The following RFX3 variants were observed in gnomAD, a reference collection of about 807,000 sequenced individuals.
The protein encoded by RFX3 is regulatory factor X3.
A neutral mutation model predicts 98.6 loss-of-function variants in RFX3; 14 were observed. That is an observed-to-expected ratio of 0.14 (90% confidence interval 0.09 to 0.22). The LOEUF (loss-of-function observed/expected upper bound fraction) is 0.22. Ranked by LOEUF, RFX3 falls within the 10% of genes least tolerant of loss-of-function variation. RFX3 has a pLI of 1.00. For synonymous variants in RFX3, 383 were observed against 328.4 expected, an observed-to-expected ratio of 1.17 and a Z score of -1.80; for missense variants, 639 against 926.9, an observed-to-expected ratio of 0.69 and a Z score of 4.03.
chr9:3,415,630 C>T (rs976810651), intron 1 of RFX3, among the ~76,000 whole-genome samples: 1 of 152,136 alleles, frequency 6.6e-6, no homozygotes. Flanking sequence ...CCCTAAGATA[C>T]ACCCTTTGCC....
intron 1 of RFX3, among the ~76,000 whole-genome samples, chr9:3,421,698 G>A (rs984501679): frequency 6.6e-6 from 1 of 152,184 alleles, no homozygotes; most frequent in Non-Finnish European, 1.5e-5. Context: ...CTCGTTTATT[G>A]TCTTTGTAGG....
intron 1 of RFX3, among the ~76,000 whole-genome samples, chr9:3,504,273 G>GCA (rs1278475635): frequency 1.7e-5 from 2 of 115,566 alleles, no homozygotes; most frequent in Non-Finnish European, 3.3e-5. Flanking sequence ...ATACTATATT[G>GCA]TATATAACAT....
intron 4 of RFX3, among the ~76,000 whole-genome samples, chr9:3,310,847 T>C (rs1182755565): frequency 2.6e-5 from 4 of 152,188 alleles, no homozygotes; most frequent in African/African-American, 9.7e-5. Flanking sequence ...TATTTCAAAT[T>C]GTTGTAATGA....
At chr9:3,311,582 C>G (rs148606760) in intron 4 of RFX3, among the ~76,000 whole-genome samples, 3 of 152,160 alleles carry the variant, frequency 2.0e-5, no homozygotes, top group East Asian at 1.9e-4. Flanking sequence ...CATTTGGGTA[C>G]CTGTTAGAAA....
At chr9:3,240,337 T>C (rs1563784532) in intron 15 of RFX3, among the ~76,000 whole-genome samples, 1 of 152,214 alleles carries the variant, frequency 6.6e-6, no homozygotes, top group Non-Finnish European at 1.5e-5. Context: ...CAAGTAAAAC[T>C]ATTGGGGAAA....
intron 3 of RFX3, among the ~76,000 whole-genome samples, chr9:3,341,470 T>C (rs1056972746): frequency 6.6e-5 from 10 of 151,934 alleles, no homozygotes; most frequent in African/African-American, 2.4e-4. Context: ...ATAAGGGCAA[T>C]TGTATTGTAA....
chr9:3,512,518 GT>G (rs914977361), intron 1 of RFX3, among the ~76,000 whole-genome samples: 5 of 151,784 alleles, frequency 3.3e-5, no homozygotes, highest in Non-Finnish European at 7.4e-5. Context: ...CTAATTTTGT[GT>G]TTTTTATATA....
intron 1 of RFX3, among the ~76,000 whole-genome samples, chr9:3,421,587 T>C (rs555981441): frequency 6.6e-6 from 1 of 152,330 alleles, no homozygotes; most frequent in East Asian, 1.9e-4. Context: ...ACTCTCAGCA[T>C]TGCAAGTCCT....
At chr9:3,472,978 G>A (rs1046385165) in intron 1 of RFX3, among the ~76,000 whole-genome samples, 1 of 152,176 alleles carries the variant, frequency 6.6e-6, no homozygotes, top group Non-Finnish European at 1.5e-5. Flanking sequence ...TGTGAGATTA[G>A]CAATGTGGTT....
intron 2 of RFX3, among the ~76,000 whole-genome samples, chr9:3,379,743 T>A (rs13302664): frequency 0.095 from 14,486 of 152,158 alleles, 757 homozygotes; most frequent in African/African-American, 0.13. Context: ...TTGCAACCAT[T>A]TGCATGTCTC....
intron 9 of RFX3, among the ~76,000 whole-genome samples, chr9:3,275,142 C>A (rs1282793812): frequency 2.6e-5 from 4 of 151,360 alleles, no homozygotes; most frequent in African/African-American, 4.9e-5. Flanking sequence ...GAAATTATAA[C>A]CAATCTTTTG....
chr9:3,459,313 C>G (rs1016443505), intron 1 of RFX3, among the ~76,000 whole-genome samples: 3 of 152,144 alleles, frequency 2.0e-5, no homozygotes, highest in Admixed American at 1.3e-4. Flanking sequence ...ATCTAGTTAT[C>G]TCAGAATCAA....
At chr9:3,286,331 T>A (rs1006674693) in intron 7 of RFX3, among the ~76,000 whole-genome samples, 1 of 151,858 alleles carries the variant, frequency 6.6e-6, no homozygotes, top group African/African-American at 2.4e-5. Context: ...TACTATTCTA[T>A]AATTTATTTT....
rs939451859 is a variant in RFX3, at chr9:3,311,443, G to A, written c.475-9823C>T. On this transcript the variant is annotated intron_variant, in intron 4 of 16. Coordinates refer to ENST00000617270, the MANE Select transcript of RFX3 (RefSeq NM_001282116.2). Reference sequence around the variant, plus strand: ...CCTCCTGGTGTGTGTGAAGAGGAGGGTACATCCTATAGGAAGCCATTCAAC... The same window carrying A: ...CCTCCTGGTGTGTGTGAAGAGGAGGATACATCCTATAGGAAGCCATTCAAC... Among the ~76,000 whole-genome samples the A allele has an allele frequency of 3.3e-5, 5 of 152,270 alleles. No homozygotes were observed. In the South Asian group the frequency reaches 6.2e-4, roughly 19 times the overall value.
In RFX3 at chr9:3,504,949, A is replaced by C. The variant is rs1446092046; in HGVS notation, c.-9+20798T>G. ...ATATTATATATAATATATATAATAT[A>C]ATATATATTATATATAATATATATT... On this transcript the variant is annotated intron_variant, in intron 1 of 16. Coordinates refer to ENST00000617270, the MANE Select transcript of RFX3 (RefSeq NM_001282116.2). Among the ~76,000 whole-genome samples, 15 of 23,538 alleles carry C rather than the reference A, an allele frequency of 6.4e-4. 1 individual carries two copies. Among genetic ancestry groups the C allele is most frequent in the South Asian group, 3.1e-3 (4 of 1,270 alleles). The allele number at this position is 23,538 out of a possible 152,430, so 15.4% of individuals were successfully genotyped here.
Position 3,231,179 on chromosome 9 carries a change from C to A in RFX3, c.1969-2290G>T, listed in dbSNP as rs947445203. Among the ~76,000 whole-genome samples, 7 of 152,194 alleles carry A rather than the reference C, an allele frequency of 4.6e-5. No individual in the cohort carries two copies. The South Asian group carries it at 1.5e-3, about 32-fold the overall frequency. On this transcript the variant is annotated intron_variant, in intron 15 of 16. Transcript: ENST00000617270. The stretch of plus-strand genomic sequence containing the variant: ...ACACTGTCAATACCTCTAGGTGTCT[C>A]TGGGATCAACGACAAAGTTTCACAT...
intron 1 of RFX3, among the ~76,000 whole-genome samples, chr9:3,479,506 G>A (rs888547356): frequency 6.6e-6 from 1 of 152,094 alleles, no homozygotes; most frequent in Non-Finnish European, 1.5e-5. Context: ...AAATGAGAGT[G>A]AAACAGATCT....
At chr9:3,485,957 T>A (rs908850993) in intron 1 of RFX3, among the ~76,000 whole-genome samples, 1 of 151,594 alleles carries the variant, frequency 6.6e-6, no homozygotes, top group African/African-American at 2.4e-5. Context: ...AAACCCTGTC[T>A]CCACTAAAAA....
At chr9:3,353,852 A>G (rs1252321350) in intron 2 of RFX3, among the ~76,000 whole-genome samples, 1 of 152,074 alleles carries the variant, frequency 6.6e-6, no homozygotes, top group South Asian at 2.1e-4. Context: ...AAATCAATCA[A>G]TAGAAACAGA....
Sources: gnomAD v4.1 joint callset for allele counts (sites outside exome capture counted in the v4.1 genomes callset) on GRCh38, gnomAD v4.1.1 for gene constraint, MANE v1.5 for transcripts, NCBI Gene and HGNC (gene_info 2026-07-23, HGNC 2026-07-21) for gene names.